Variants in NOS1AP observed in about 807,000 individuals in gnomAD.
The protein encoded by NOS1AP is carboxyl-terminal PDZ ligand of neuronal nitric oxide synthase protein.
In NOS1AP, 21 loss-of-function variants were observed where a neutral mutation model predicts 56.2. The observed-to-expected ratio is 0.37, with a 90% CI of 0.26 to 0.54. The LOEUF (loss-of-function observed/expected upper bound fraction) is 0.54, where lower values mean the gene tolerates loss of function less well. NOS1AP is among the 20% of genes least tolerant of loss of function. The pLI, the probability that NOS1AP is intolerant of heterozygous loss-of-function variation, is 0.84. For missense variants in NOS1AP, 522 were observed against 657.8 expected (o/e 0.79, Z 2.26); for synonymous variants, 270 against 274.6 (o/e 0.98, Z 0.17).
At chr1:162,121,031 G>A (rs769830137) in intron 1 of NOS1AP, among the ~76,000 whole-genome samples, 4 of 149,276 alleles carry the variant, frequency 2.7e-5, no homozygotes, top group Non-Finnish European at 4.4e-5. Context: ...GCAAAGTCCT[G>A]TCGAGGCCTA....
intron 2 of NOS1AP, among the ~76,000 whole-genome samples, chr1:162,210,371 C>T (rs1176743801): frequency 6.6e-6 from 1 of 152,200 alleles, no homozygotes; most frequent in Non-Finnish European, 1.5e-5. Flanking sequence ...CACTCGACAG[C>T]AAGCAAAAGC....
rs1658112382 is a variant in NOS1AP at position 162,367,120 on chromosome 1, A to C, written c.1174A>C (p.Thr392Pro). ...SGALPVLCDP[T>P]TPKPEDLHSP... ...AGCCCTGCCCGTGCTCTGTGACCCC[A>C]CGACCCCTAAGCCAGAGGACCTGCA... Residue 392 changes from threonine to proline, a missense_variant, in exon 10 of 10, where the codon ACG becomes CCG. Physicochemically the swap from Thr to Pro is conservative, Grantham distance 38. Around this residue, in one of 4 missense-constraint regions of NOS1AP, gnomAD observed 160 missense variants for 180.3 expected, o/e 0.89. Coordinates refer to ENST00000361897, the MANE Select transcript of NOS1AP (RefSeq NM_014697.3). This position sits in a 1 kb window ranked among gnomAD's most constrained non-coding sequence, Gnocchi z 6.5. 6.2e-7 allele frequency: 1 copy of C among 1,613,686 alleles called. No homozygotes were observed. The highest frequency in any genetic ancestry group is 1.1e-5 in the South Asian group (1 of 91,068).
chr1:162,136,850 A>C (rs758801561), intron 1 of NOS1AP, among the ~76,000 whole-genome samples: 5 of 152,212 alleles, frequency 3.3e-5, no homozygotes, highest in Non-Finnish European at 7.3e-5. Flanking sequence ...TCTGGGGTGA[A>C]TACTGCCCTT....
chr1:162,158,194 C>T (rs1482649868), intron 2 of NOS1AP, among the ~76,000 whole-genome samples: 4 of 152,186 alleles, frequency 2.6e-5, no homozygotes, highest in Non-Finnish European at 5.9e-5. Context: ...CCTTTCTACT[C>T]TCTGTTTCTG....
chr1:162,129,937 C>T (rs894212061), intron 1 of NOS1AP, among the ~76,000 whole-genome samples: 4 of 152,142 alleles, frequency 2.6e-5, no homozygotes, highest in Non-Finnish European at 1.5e-5. Context: ...CCTCTAACTC[C>T]CACAGTAATG....
chr1:162,160,293 T>C (rs182019725), intron 2 of NOS1AP, among the ~76,000 whole-genome samples: 76 of 152,224 alleles, frequency 5.0e-4, no homozygotes, highest in Admixed American at 7.9e-4. Context: ...TTGAACAGAA[T>C]TCACCGGTGA....
chr1:162,227,459 G>A (rs1652982262), intron 2 of NOS1AP, among the ~76,000 whole-genome samples: 3 of 152,168 alleles, frequency 2.0e-5, no homozygotes, highest in African/African-American at 7.2e-5. Context: ...TCCTTTCAGT[G>A]CACTTAGCAC....
intron 2 of NOS1AP, among the ~76,000 whole-genome samples, chr1:162,199,734 G>A (rs1306006657): frequency 6.6e-6 from 1 of 152,010 alleles, no homozygotes; most frequent in Non-Finnish European, 1.5e-5. Context: ...GTCCTGTTCT[G>A]GGATACAATT....
At position 162,370,265 on chromosome 1, in the gene NOS1AP, G is replaced by C. The variant is rs142827402; in HGVS notation, c.*2798G>C. The C allele has an allele frequency of 6.6e-6, 1 of 152,100 alleles. No homozygotes were observed. Among genetic ancestry groups the C allele is most frequent in the Non-Finnish European group, 1.5e-5 (1 of 68,040 alleles). 9.4% of individuals were successfully genotyped at this position (152,100 alleles called of 1,614,324 possible). On this transcript the variant is annotated 3_prime_UTR_variant, in exon 10 of 10. Coordinates refer to ENST00000361897, the MANE Select transcript of NOS1AP (RefSeq NM_014697.3). ...AGCCTCATTTCTCTCAACTGATCTT[G>C]TTTAGGCGTTGTATTCCTTTTATTT...
chr1:162,191,559 C>G (rs1458841873), intron 2 of NOS1AP, among the ~76,000 whole-genome samples: 1 of 152,126 alleles, frequency 6.6e-6, no homozygotes, highest in Admixed American at 6.5e-5. Flanking sequence ...CTTTGATTTA[C>G]TGAATTACTT....
At chr1:162,121,044 G>C (rs1213062994) in intron 1 of NOS1AP, among the ~76,000 whole-genome samples, 1 of 149,010 alleles carries the variant, frequency 6.7e-6, no homozygotes, top group Non-Finnish European at 1.5e-5. Flanking sequence ...GAGGCCTATA[G>C]AGAGATGCCT....
At chr1:162,112,506 A>G (rs1214973664) in intron 1 of NOS1AP, among the ~76,000 whole-genome samples, 1 of 152,224 alleles carries the variant, frequency 6.6e-6, no homozygotes, top group Non-Finnish European at 1.5e-5. Context: ...GATTAGACCA[A>G]TGGCTCCCTG....
At chr1:162,324,177 C>G (rs1371258518) in intron 4 of NOS1AP, among the ~76,000 whole-genome samples, 1 of 151,642 alleles carries the variant, frequency 6.6e-6, no homozygotes. Context: ...GTCCGAGGGT[C>G]CTGAAAAGTG....
chr1:162,142,680 A>G (rs1351615721), intron 1 of NOS1AP, among the ~76,000 whole-genome samples: 1 of 152,194 alleles, frequency 6.6e-6, no homozygotes, highest in Admixed American at 6.5e-5. Context: ...TCTTTCTGCT[A>G]ACAGTGTAGG....
intron 2 of NOS1AP, among the ~76,000 whole-genome samples, chr1:162,168,379 T>C (rs1650603795): frequency 6.6e-6 from 1 of 152,224 alleles, no homozygotes; most frequent in Non-Finnish European, 1.5e-5. Context: ...TCCACACTTT[T>C]CTGGACTTCT....
chr1:162,164,232 A>G (rs896184742), intron 2 of NOS1AP, among the ~76,000 whole-genome samples: 60 of 152,108 alleles, frequency 3.9e-4, no homozygotes, highest in African/African-American at 1.4e-3. Flanking sequence ...TGATATGCAG[A>G]ATGTCAGTTC....
At chr1:162,251,841 C>T (rs1435888681) in intron 2 of NOS1AP, among the ~76,000 whole-genome samples, 1 of 141,844 alleles carries the variant, frequency 7.1e-6, no homozygotes, top group Non-Finnish European at 1.5e-5. Flanking sequence ...GCATGCACCA[C>T]AACACCTAGC....
intron 1 of NOS1AP, among the ~76,000 whole-genome samples, chr1:162,101,115 A>G (rs1647239669): frequency 1.3e-5 from 2 of 152,088 alleles, no homozygotes; most frequent in Admixed American, 6.5e-5. Flanking sequence ...ATTTTTTTAT[A>G]TGGTGTAAGG....
At chr1:162,099,679 C>T (rs866296099) in intron 1 of NOS1AP, among the ~76,000 whole-genome samples, 2 of 151,938 alleles carry the variant, frequency 1.3e-5, no homozygotes, top group Non-Finnish European at 2.9e-5. Flanking sequence ...ATGTGCACAA[C>T]GTGCAGGTTT....
Sources: allele counts gnomAD v4.1 joint callset (sites outside exome capture counted in the v4.1 genomes callset), GRCh38; gene constraint gnomAD v4.1.1; regional missense constraint gnomAD v4.1.1; non-coding constraint Gnocchi (gnomAD v3.1); transcripts MANE v1.5; gene names NCBI Gene and HGNC (gene_info 2026-07-23, HGNC 2026-07-21).